The following CAST variants were observed in gnomAD, a reference collection of about 807,000 sequenced individuals.
CAST encodes calpastatin, also known as MIR583 host.
A neutral mutation model predicts 119.6 loss-of-function variants in CAST; 76 were observed. That is an observed-to-expected ratio of 0.64 (90% CI 0.53 to 0.77). The LOEUF (loss-of-function observed/expected upper bound fraction) is 0.77. Ranked by LOEUF, CAST falls within the 30% of genes least tolerant of loss-of-function variation. CAST has a pLI of 0.00. For missense variants in CAST, 953 were observed against 946.5 expected (o/e 1.01, Z -0.09); for synonymous variants, 319 against 331.6 (o/e 0.96, Z 0.41).
At chr5:96,290,193 C>A in the CAST span, among the ~76,000 whole-genome samples, 1 of 152,092 alleles carries the variant, frequency 6.6e-6, no homozygotes, top group African/African-American at 2.4e-5. Flanking sequence ...TAAGCTTCAC[C>A]CATCTTTCCA....
At position 96,653,940 on chromosome 5, in the gene CAST, A is replaced by C. The variant is rs868333401; in HGVS notation, c.61-21599A>C. Among the ~76,000 whole-genome samples, 56 of 151,506 alleles carry C rather than the reference A, an allele frequency of 3.7e-4. No homozygotes were observed. In the Middle Eastern group the frequency reaches 0.014, roughly 37 times the overall value. ...CCTTTTTCATTCTTGTTGCTTAACT[A>C]TCCTTTTTTCCTTTTTCTTCTTCTT... On this transcript the variant is annotated intron_variant, in intron 1 of 11. Coordinates refer to the CAST transcript ENST00000505143.
chr5:96,740,693 C>G (rs1762484121), intron 12 of CAST, 52 bp from the exon 13 acceptor site: 3 of 1,373,970 alleles, frequency 2.2e-6, no homozygotes, highest in Non-Finnish European at 3.1e-6. Flanking sequence ...TTTTGCCGAT[C>G]TTAAGGATTA....
intron 1 of CAST, among the ~76,000 whole-genome samples, chr5:96,647,039 T>C (rs1042172931): frequency 2.6e-5 from 4 of 152,200 alleles, no homozygotes; most frequent in African/African-American, 9.6e-5. Context: ...CTTGGATTAT[T>C]TTTGTTTCTA....
the CAST span, among the ~76,000 whole-genome samples, chr5:96,277,224 G>A: frequency 2.0e-5 from 3 of 150,216 alleles, no homozygotes; most frequent in African/African-American, 7.4e-5. Context: ...TAATTAATGT[G>A]CTATGCACAT....
chr5:96,239,410 T>C, the CAST span, among the ~76,000 whole-genome samples: 1 of 152,178 alleles, frequency 6.6e-6, no homozygotes, highest in Non-Finnish European at 1.5e-5. Flanking sequence ...TTTTGAGTTC[T>C]CTTTGACCCT....
At chr5:96,160,866 A>G in the CAST span, among the ~76,000 whole-genome samples, 1 of 152,206 alleles carries the variant, frequency 6.6e-6, no homozygotes, top group African/African-American at 2.4e-5. Flanking sequence ...ATGATTAATG[A>G]TGAGCATTTT....
intron 9 of CAST, among the ~76,000 whole-genome samples, chr5:96,731,210 T>G (rs1760407648): frequency 6.6e-6 from 1 of 152,218 alleles, no homozygotes; most frequent in South Asian, 2.1e-4. Flanking sequence ...TTTTTCAGCT[T>G]TCAATGCTGA....
the CAST span, among the ~76,000 whole-genome samples, chr5:96,164,663 G>A: frequency 6.6e-6 from 1 of 152,210 alleles, no homozygotes; most frequent in Non-Finnish European, 1.5e-5. Flanking sequence ...CCTGAACGTT[G>A]TGTTAGTGAG....
At chr5:96,480,210 A>C in the CAST span, among the ~76,000 whole-genome samples, 1 of 152,172 alleles carries the variant, frequency 6.6e-6, no homozygotes, top group African/African-American at 2.4e-5. Context: ...AACAATTAGC[A>C]TGCTATTGGG....
chr5:96,586,216 T>C (rs12516695), intron 1 of CAST, among the ~76,000 whole-genome samples: 9,685 of 152,256 alleles, frequency 0.064, 819 homozygotes, highest in East Asian at 0.27. Flanking sequence ...TCTTTGAGGG[T>C]CAATAAGGTG....
intron 1 of CAST, among the ~76,000 whole-genome samples, chr5:96,536,921 A>G (rs1406452343): frequency 1.3e-5 from 2 of 152,186 alleles, no homozygotes; most frequent in Admixed American, 6.5e-5. Context: ...TTCTGATCTC[A>G]TTTCCACTGA....
At chr5:96,230,011 A>G in the CAST span, among the ~76,000 whole-genome samples, 1 of 152,134 alleles carries the variant, frequency 6.6e-6, no homozygotes, top group East Asian at 1.9e-4. Context: ...GGTGTCAGGG[A>G]TAGTGACAAA....
the CAST span, among the ~76,000 whole-genome samples, chr5:96,244,468 A>G: frequency 7.9e-5 from 12 of 152,236 alleles, no homozygotes; most frequent in Non-Finnish European, 1.6e-4. Context: ...ATGAAAAATT[A>G]TGGAAATAAA....
the CAST span, among the ~76,000 whole-genome samples, chr5:96,443,408 C>T: frequency 4.6e-5 from 7 of 152,166 alleles, no homozygotes; most frequent in African/African-American, 1.7e-4. Flanking sequence ...TTAACAGTTT[C>T]TACATCCTGC....
the CAST span, among the ~76,000 whole-genome samples, chr5:96,172,926 G>A: frequency 4.6e-5 from 7 of 152,186 alleles, no homozygotes; most frequent in Admixed American, 3.9e-4. Flanking sequence ...TGGATGCCAA[G>A]ATTTCTACCA....
At chr5:96,750,049 C>T (rs1764658354) in intron 19 of CAST, among the ~76,000 whole-genome samples, 1 of 152,142 alleles carries the variant, frequency 6.6e-6, no homozygotes, top group South Asian at 2.1e-4. Flanking sequence ...AGGGATTACA[C>T]TTCCAAAACT....
chr5:96,531,276 C>A (rs767786843), intron 1 of CAST, among the ~76,000 whole-genome samples: 1 of 152,168 alleles, frequency 6.6e-6, no homozygotes, highest in Non-Finnish European at 1.5e-5. Flanking sequence ...GAGACCCATT[C>A]TGTCCTGTGC....
upstream of CAST, among the ~76,000 whole-genome samples, chr5:96,520,990 C>G (rs186089040): frequency 3.9e-5 from 6 of 152,272 alleles, no homozygotes; most frequent in Admixed American, 2.6e-4. Context: ...TTACATGAGT[C>G]CTTCAAGACT....
chr5:96,306,093 G>C, the CAST span, among the ~76,000 whole-genome samples: 1 of 152,068 alleles, frequency 6.6e-6, no homozygotes, highest in Non-Finnish European at 1.5e-5. Flanking sequence ...TTTTTTGGTT[G>C]GTGGGCTATT....
Sources: allele counts gnomAD v4.1 joint callset (sites outside exome capture counted in the v4.1 genomes callset), GRCh38; gene constraint gnomAD v4.1.1; transcripts MANE v1.5; gene names NCBI Gene and HGNC (gene_info 2026-07-23, HGNC 2026-07-21).